DLG2: variants seen among roughly 807,000 people sequenced by gnomAD.
DLG2 encodes disks large homolog 2.
A neutral mutation model predicts 132.5 loss-of-function variants in DLG2; 45 were observed. The observed-to-expected ratio is 0.34, with a 90% CI of 0.27 to 0.44. DLG2 has a LOEUF of 0.44. Among genes scored for constraint, DLG2 ranks in the 20% least tolerant of loss-of-function variants. The pLI is 1.00. For synonymous variants in DLG2, 424 were observed against 419.6 expected (o/e 1.01, Z -0.13); for missense variants, 1,045 against 1,196.9 (o/e 0.87, Z 1.87).
intron 4 of DLG2, among the ~76,000 whole-genome samples, chr11:85,269,746 G>C (rs988286185): frequency 6.6e-6 from 1 of 152,048 alleles, no homozygotes. Flanking sequence ...TTAAATGAAG[G>C]TCTGCTCTTG....
chr11:84,797,598 G>A (rs892928362), intron 6 of DLG2, among the ~76,000 whole-genome samples: 4 of 152,170 alleles, frequency 2.6e-5, no homozygotes, highest in Non-Finnish European at 5.9e-5. Context: ...TCTCTGTTAA[G>A]TTTGTCTAAT....
chr11:85,456,887 T>C (rs889185568), intron 3 of DLG2, among the ~76,000 whole-genome samples: 1 of 152,108 alleles, frequency 6.6e-6, no homozygotes, highest in Non-Finnish European at 1.5e-5. Flanking sequence ...TTTAGAGTTG[T>C]GCCATGTGGT....
chr11:85,424,056 T>G (rs393308), intron 3 of DLG2, among the ~76,000 whole-genome samples: 3 of 151,960 alleles, frequency 2.0e-5, no homozygotes, highest in Non-Finnish European at 4.4e-5. Context: ...AAGGACCCCA[T>G]GAGGCCAGGC....
At chr11:84,028,062 A>AC (rs1207912627) in intron 11 of DLG2, among the ~76,000 whole-genome samples, 54 of 151,200 alleles carry the variant, frequency 3.6e-4, no homozygotes, top group Non-Finnish European at 6.6e-4. Flanking sequence ...TAAAAAAAAA[A>AC]AAAACAAAAC....
intron 3 of DLG2, among the ~76,000 whole-genome samples, chr11:85,465,413 T>C (rs940338940): frequency 1.3e-5 from 2 of 152,020 alleles, no homozygotes; most frequent in African/African-American, 4.8e-5. Context: ...CAGTAACTCG[T>C]CATTTAACAT....
chr11:85,560,546 CAG>C (rs777613026), intron 3 of DLG2, among the ~76,000 whole-genome samples: 1 of 151,808 alleles, frequency 6.6e-6, no homozygotes, highest in South Asian at 2.1e-4. Flanking sequence ...TTTATACAAA[CAG>C]AAAGTAAATC....
At chr11:83,754,237 G>A (rs955201089) in intron 18 of DLG2, among the ~76,000 whole-genome samples, 1 of 150,880 alleles carries the variant, frequency 6.6e-6, no homozygotes, top group South Asian at 2.1e-4. Flanking sequence ...AAAATCAATT[G>A]TGCCCTATAT....
chr11:85,445,468 A>G (rs1222229900), intron 3 of DLG2, among the ~76,000 whole-genome samples: 1 of 152,194 alleles, frequency 6.6e-6, no homozygotes, highest in East Asian at 1.9e-4. Flanking sequence ...ACCTGAGGTC[A>G]GGAGTTTGAG....
chr11:84,646,694 T>A (rs1160085434), intron 6 of DLG2, among the ~76,000 whole-genome samples: 1 of 148,522 alleles, frequency 6.7e-6, no homozygotes, highest in East Asian at 1.9e-4. Flanking sequence ...AGCACAAGAT[T>A]TTACACTTAA....
At chr11:84,241,811 G>A (rs1431987939) in intron 8 of DLG2, among the ~76,000 whole-genome samples, 1 of 152,124 alleles carries the variant, frequency 6.6e-6, no homozygotes, top group Non-Finnish European at 1.5e-5. Flanking sequence ...TCAAACTTCA[G>A]CAATCCTAAG....
intron 6 of DLG2, among the ~76,000 whole-genome samples, chr11:84,758,231 C>A (rs2067151674): frequency 6.6e-6 from 1 of 152,142 alleles, no homozygotes; most frequent in Non-Finnish European, 1.5e-5. Flanking sequence ...CTGTGTGGAG[C>A]CATGGAAAAC....
chr11:85,565,198 T>A (rs1042852386), intron 3 of DLG2, among the ~76,000 whole-genome samples: 3 of 152,078 alleles, frequency 2.0e-5, no homozygotes, highest in Non-Finnish European at 2.9e-5. Flanking sequence ...ACAATATGTA[T>A]GTTTTTTATC....
intron 5 of DLG2, among the ~76,000 whole-genome samples, chr11:85,136,751 A>T (rs913763525): frequency 1.3e-5 from 2 of 152,168 alleles, no homozygotes; most frequent in African/African-American, 4.8e-5. Flanking sequence ...ACAGGGAAAA[A>T]TATGTTTAGA....
At chr11:84,325,418 G>A (rs1167502969) in intron 7 of DLG2, among the ~76,000 whole-genome samples, 1 of 151,264 alleles carries the variant, frequency 6.6e-6, no homozygotes, top group Non-Finnish European at 1.5e-5. Context: ...GTGTCCATGT[G>A]TTCTCTTTGT....
chr11:84,325,363 C>A (rs1479674030), intron 7 of DLG2, among the ~76,000 whole-genome samples: 1 of 151,706 alleles, frequency 6.6e-6, no homozygotes, highest in Admixed American at 6.6e-5. Flanking sequence ...CTCCCCCAAC[C>A]CCCTCACCCT....
At chr11:85,134,445 C>T (rs1218929887) in intron 5 of DLG2, among the ~76,000 whole-genome samples, 4 of 139,226 alleles carry the variant, frequency 2.9e-5, no homozygotes, top group Non-Finnish European at 1.5e-5. Flanking sequence ...AGGAGAATGG[C>T]GTGAACCCGG....
chr11:83,554,338 A>G (rs2096468782), intron 19 of DLG2, among the ~76,000 whole-genome samples: 1 of 152,176 alleles, frequency 6.6e-6, no homozygotes, highest in African/African-American at 2.4e-5. Flanking sequence ...ACTTGGGAAC[A>G]CTTGTTTTGC....
chr11:85,628,106 G>C (rs970026429), upstream of DLG2, among the ~76,000 whole-genome samples: 1 of 152,202 alleles, frequency 6.6e-6, no homozygotes, highest in Non-Finnish European at 1.5e-5. Context: ...GAGAGGAGAG[G>C]AGGCTAGTCG....
chr11:83,726,102 T>C (rs959386020), intron 18 of DLG2, among the ~76,000 whole-genome samples: 5 of 152,208 alleles, frequency 3.3e-5, no homozygotes, highest in African/African-American at 1.2e-4. Flanking sequence ...AGTGTAAATG[T>C]TTTATTTTTT....
Sources: allele counts gnomAD v4.1 joint callset (sites outside exome capture counted in the v4.1 genomes callset), GRCh38; gene constraint gnomAD v4.1.1; transcripts MANE v1.5; gene names NCBI Gene and HGNC (gene_info 2026-07-23, HGNC 2026-07-21).